ESRRB: variants seen among roughly 807,000 people sequenced by gnomAD.
ESRRB encodes the protein estrogen related receptor beta.
A neutral mutation model predicts 46.0 loss-of-function variants in ESRRB; 16 were observed. The observed-to-expected ratio is 0.35, with a 90% CI of 0.24 to 0.53. The LOEUF (loss-of-function observed/expected upper bound fraction) is 0.53. Ranked by LOEUF, ESRRB falls within the 20% of genes least tolerant of loss-of-function variation. ESRRB has a pLI of 0.93. For missense variants in ESRRB, 488 were observed against 607.4 expected, an observed-to-expected ratio of 0.80 and a Z score of 2.07; for synonymous variants, 246 against 259.6, an observed-to-expected ratio of 0.95 and a Z score of 0.50.
At chr14:76,344,653 C>A (rs1186959792) in intron 1 of ESRRB, among the ~76,000 whole-genome samples, 1 of 152,156 alleles carries the variant, frequency 6.6e-6, no homozygotes, top group African/African-American at 2.4e-5. Flanking sequence ...GAGTTCAAGA[C>A]CAGCCTGGCC....
Position 76,439,519 on chromosome 14 carries a change from C to G in ESRRB, c.229C>G (p.Leu77Val), listed in dbSNP as rs764336526. Residue 77 changes from leucine to valine, a missense_variant, in exon 2 of 7, where the codon CTG becomes GTG. Leu to Val is a conservative substitution (Grantham distance 32, BLOSUM62 1). Coordinates refer to ENST00000644823, the MANE Select transcript of ESRRB (RefSeq NM_001379180.1). ...GGCCCTGGGCACCCACGCCAACGGT[C>G]TGGACTCGCCACCCATGTTTGCAGG... ...GLALGTHANGLDSPPMFAGAG... is the reference protein window; with the variant it reads ...GLALGTHANGVDSPPMFAGAG... 1.9e-6 allele frequency: 3 copies of G among 1,613,400 alleles called. No homozygotes were observed. Among genetic ancestry groups the G allele is most frequent in the Middle Eastern group, 1.6e-4 (1 of 6,062 alleles).
At chr14:76,377,827 T>C (rs1228956442) in intron 1 of ESRRB, among the ~76,000 whole-genome samples, 1 of 152,188 alleles carries the variant, frequency 6.6e-6, no homozygotes, top group African/African-American at 2.4e-5. Flanking sequence ...TGGCTTGTGT[T>C]GTTGACCAGA....
chr14:76,354,964 G>T (rs1043195500), intron 1 of ESRRB, among the ~76,000 whole-genome samples: 5 of 152,056 alleles, frequency 3.3e-5, no homozygotes, highest in African/African-American at 1.2e-4. Flanking sequence ...ACCCACCTCA[G>T]CCTCCCAGAT....
intron 1 of ESRRB, among the ~76,000 whole-genome samples, chr14:76,391,364 G>T (rs909967043): frequency 3.9e-5 from 6 of 152,218 alleles, no homozygotes; most frequent in Admixed American, 3.9e-4. Context: ...ATCAGGAGGG[G>T]CAGTTCAGTG....
rs1555345959 is a variant in ESRRB, at chr14:76,500,696, G to GA, written c.*2241dup. 1.9e-6 allele frequency: 3 copies of GA among 1,613,896 alleles called. No individual in the cohort carries two copies. Among genetic ancestry groups the GA allele is most frequent in the Middle Eastern group, 3.3e-4 (2 of 6,062 alleles). ...GCATCTGCTGTCTGTCTTTTCTAGG[G>GA]AAAGCATCTCTGGCTCACCATGTAA... On this transcript the variant is annotated 3_prime_UTR_variant, in exon 7 of 7. Transcript: ENST00000644823.
rs76250773 is a variant in ESRRB at position 76,492,685 on chromosome 14, T to C, written c.1120+969T>C. Among the ~76,000 whole-genome samples, 368 of 152,320 alleles carry C rather than the reference T, an allele frequency of 2.4e-3. 2 individuals carry two copies. The highest frequency in any genetic ancestry group is 8.2e-3 in the African/African-American group (339 of 41,584). On this transcript the variant is annotated intron_variant, in intron 6 of 6. Transcript: ENST00000644823. Reference sequence around the variant, plus strand: ...CCTGAACCTATACCCACTCCTTGAATCTTTCAGTCAAATTTCTTGAACACA... The same window carrying C: ...CCTGAACCTATACCCACTCCTTGAACCTTTCAGTCAAATTTCTTGAACACA...
intron 1 of ESRRB, among the ~76,000 whole-genome samples, chr14:76,323,256 G>T (rs2139728727): frequency 6.6e-6 from 1 of 150,470 alleles, no homozygotes; most frequent in South Asian, 2.1e-4. Context: ...TTTCTATCTT[G>T]TCTGGCATTC....
At chr14:76,427,335 CTGTGTGTG>C (rs34441473) in intron 1 of ESRRB, among the ~76,000 whole-genome samples, 1 of 148,894 alleles carries the variant, frequency 6.7e-6, no homozygotes, top group East Asian at 2.0e-4. Flanking sequence ...TCTGCAGGAG[CTGTGTGTG>C]TGTGTGTGTG....
At chr14:76,470,094 T>C (rs1181676393) in intron 3 of ESRRB, among the ~76,000 whole-genome samples, 1 of 151,914 alleles carries the variant, frequency 6.6e-6, no homozygotes, top group African/African-American at 2.4e-5. Context: ...ATTACAGGCA[T>C]GCATCACCAC....
chr14:76,327,646 C>A (rs888351970), intron 1 of ESRRB, among the ~76,000 whole-genome samples: 7 of 152,090 alleles, frequency 4.6e-5, no homozygotes, highest in Non-Finnish European at 8.8e-5. Flanking sequence ...TGGCTTACGG[C>A]TGTTGAATGG....
intron 1 of ESRRB, among the ~76,000 whole-genome samples, chr14:76,400,228 ATTTTCCTTCTG>A (rs1885880771): frequency 6.6e-6 from 1 of 152,176 alleles, no homozygotes; most frequent in African/African-American, 2.4e-5. Context: ...GTCCTTTGAC[ATTTTCCTTCTG>A]GGAAAACTTC....
chr14:76,467,691 T>C (rs1310007038), intron 3 of ESRRB, among the ~76,000 whole-genome samples: 1 of 151,968 alleles, frequency 6.6e-6, no homozygotes, highest in African/African-American at 2.4e-5. Context: ...CACTGTGGGT[T>C]CTAGAATCAG....
At chr14:76,339,592 A>C (rs781670067) in intron 1 of ESRRB, among the ~76,000 whole-genome samples, 1 of 152,146 alleles carries the variant, frequency 6.6e-6, no homozygotes. Flanking sequence ...CTGTGTGGAC[A>C]TGTGCGTGCT....
chr14:76,340,012 C>T (rs1884173310), intron 1 of ESRRB, among the ~76,000 whole-genome samples: 1 of 152,104 alleles, frequency 6.6e-6, no homozygotes. Flanking sequence ...TCCGAGAGGG[C>T]AGTTCCATCT....
chr14:76,317,310 CTGTGTGTGTGTGTG>C (rs4024313), intron 1 of ESRRB, among the ~76,000 whole-genome samples: 220 of 134,526 alleles, frequency 1.6e-3, no homozygotes, highest in South Asian at 7.5e-3. Context: ...TGATTAGGCT[CTGTGTGTGTGTGTG>C]TGTGTGTGTG....
rs568900754 is a variant in ESRRB at position 76,417,800 on chromosome 14, G to T, written c.51-21541G>T. Reference sequence around the variant, plus strand: ...GCAGAAAGAACAAGCCTTCCCAGAGGCCCGAGGCATCACACAGGTAGTCCC... The same window carrying T: ...GCAGAAAGAACAAGCCTTCCCAGAGTCCCGAGGCATCACACAGGTAGTCCC... On this transcript the variant is annotated intron_variant, in intron 1 of 6. Transcript: ENST00000644823. Among the ~76,000 whole-genome samples, 226 of 152,204 alleles carry T rather than the reference G, an allele frequency of 1.5e-3. 1 individual carries two copies. The highest frequency in any genetic ancestry group is 2.3e-3 in the Non-Finnish European group (155 of 68,020).
chr14:76,352,840 C>T (rs540115988), intron 1 of ESRRB, among the ~76,000 whole-genome samples: 18 of 152,364 alleles, frequency 1.2e-4, no homozygotes, highest in Admixed American at 1.2e-3. Flanking sequence ...GCTCTCTCCC[C>T]TCTTTCCCTC....
intron 1 of ESRRB, among the ~76,000 whole-genome samples, chr14:76,414,685 A>C (rs1485820804): frequency 6.7e-6 from 1 of 148,826 alleles, no homozygotes; most frequent in Non-Finnish European, 1.5e-5. Flanking sequence ...AAAAAAAAAA[A>C]AAAAAAAACT....
At chr14:76,343,688 G>C (rs1260196474) in intron 1 of ESRRB, among the ~76,000 whole-genome samples, 1 of 152,246 alleles carries the variant, frequency 6.6e-6, no homozygotes, top group East Asian at 1.9e-4. Flanking sequence ...TGGTGATTAG[G>C]TTCCAAGAGC....
Sources: gnomAD v4.1 joint callset for allele counts (sites outside exome capture counted in the v4.1 genomes callset) on GRCh38, gnomAD v4.1.1 for gene constraint, MANE v1.5 for transcripts, NCBI Gene and HGNC (gene_info 2026-07-23, HGNC 2026-07-21) for gene names.